The following LHFPL3 variants were observed in gnomAD, a reference collection of about 807,000 sequenced individuals.
LHFPL3 encodes the protein LHFPL tetraspan subfamily member 3, also known as LHFPL tetraspan subfamily member 3 protein.
A neutral mutation model predicts 19.3 loss-of-function variants in LHFPL3; 5 were observed. That is an observed-to-expected ratio of 0.26 (90% CI 0.14 to 0.54). The LOEUF (loss-of-function observed/expected upper bound fraction) is 0.54. Ranked by LOEUF, LHFPL3 falls within the 20% of genes least tolerant of loss-of-function variation. The pLI is 0.94. For synonymous variants in LHFPL3, 133 were observed against 126.2 expected, an observed-to-expected ratio of 1.05 and a Z score of -0.36; for missense variants, 249 against 307.4, an observed-to-expected ratio of 0.81 and a Z score of 1.42.
intron 1 of LHFPL3, among the ~76,000 whole-genome samples, chr7:104,355,197 C>G (rs1790250984): frequency 6.6e-6 from 1 of 152,166 alleles, no homozygotes; most frequent in Non-Finnish European, 1.5e-5. Context: ...TCCAAATGAG[C>G]CTTGGATTAT....
chr7:104,353,029 G>A (rs1177474011), intron 1 of LHFPL3, among the ~76,000 whole-genome samples: 1 of 152,200 alleles, frequency 6.6e-6, no homozygotes, highest in African/African-American at 2.4e-5. Flanking sequence ...TCCCTCTGCA[G>A]TTCTGGATGC....
chr7:104,793,148 G>A (rs576626894), intron 2 of LHFPL3, among the ~76,000 whole-genome samples: 3 of 152,106 alleles, frequency 2.0e-5, no homozygotes, highest in Admixed American at 6.6e-5. Context: ...TGCCCACCTC[G>A]GCCTCCCAAA....
chr7:104,375,232 C>T (rs770631139), intron 1 of LHFPL3, among the ~76,000 whole-genome samples: 18 of 152,036 alleles, frequency 1.2e-4, no homozygotes, highest in African/African-American at 3.4e-4. Context: ...CCAGCTACAC[C>T]GGGGGTGAGG....
intron 1 of LHFPL3, among the ~76,000 whole-genome samples, chr7:104,471,033 C>T (rs192454439): frequency 2.6e-5 from 4 of 152,278 alleles, no homozygotes; most frequent in African/African-American, 9.6e-5. Context: ...CCCAATTTTT[C>T]TACCAAGACA....
At chr7:104,518,778 C>T (rs1793976052) in intron 1 of LHFPL3, among the ~76,000 whole-genome samples, 1 of 146,570 alleles carries the variant, frequency 6.8e-6, no homozygotes, top group Non-Finnish European at 1.5e-5. Context: ...AGTGAGACTC[C>T]ATCTCAAAAA....
chr7:104,531,669 T>C (rs1461026108), intron 1 of LHFPL3, among the ~76,000 whole-genome samples: 1 of 152,152 alleles, frequency 6.6e-6, no homozygotes, highest in Non-Finnish European at 1.5e-5. Flanking sequence ...AAGGGATCTA[T>C]ATGGGAAATC....
rs1256860291 is a variant in LHFPL3, at chr7:104,700,867, GCCCTT to G, written c.446-35806_446-35802del. 6.6e-5 allele frequency among the ~76,000 whole-genome samples: 10 copies of G among 152,256 alleles called. No homozygotes were observed. In the South Asian group the frequency reaches 2.1e-3, roughly 32 times the overall value. On this transcript the variant is annotated intron_variant, in intron 1 of 2. Transcript: ENST00000424859. Reference sequence around the variant, plus strand: ...TGTCCAATTGCTTTCTTTCCATAGAGCCCTTCATCCTCTTCTCCCTAACTGTACCA... The same window carrying G: ...TGTCCAATTGCTTTCTTTCCATAGAGCATCCTCTTCTCCCTAACTGTACCA...
chr7:104,541,702 T>C (rs1363126447), intron 1 of LHFPL3, among the ~76,000 whole-genome samples: 1 of 152,174 alleles, frequency 6.6e-6, no homozygotes, highest in Non-Finnish European at 1.5e-5. Flanking sequence ...AATGATAATA[T>C]AGTAACATGC....
chr7:104,398,439 GT>G (rs780995687), intron 1 of LHFPL3, among the ~76,000 whole-genome samples: 6 of 152,166 alleles, frequency 3.9e-5, no homozygotes, highest in Non-Finnish European at 7.3e-5. Context: ...TCTTCATGTT[GT>G]TTGTGGATTG....
chr7:104,589,957 T>A (rs1373771544), intron 1 of LHFPL3, among the ~76,000 whole-genome samples: 2 of 152,352 alleles, frequency 1.3e-5, no homozygotes, highest in African/African-American at 4.8e-5. Flanking sequence ...TCGGTGGTGA[T>A]ATCTCCTTTA....
chr7:104,878,808 T>C (rs1356241586), intron 2 of LHFPL3, among the ~76,000 whole-genome samples: 6 of 152,034 alleles, frequency 3.9e-5, no homozygotes, highest in Non-Finnish European at 4.4e-5. Flanking sequence ...TTGAAGGAAA[T>C]GGAAAGTGCT....
intron 2 of LHFPL3, among the ~76,000 whole-genome samples, chr7:104,803,188 T>C (rs560339850): frequency 1.3e-5 from 2 of 152,356 alleles, no homozygotes; most frequent in Admixed American, 6.5e-5. Context: ...ATACCACTTC[T>C]TTGACATCCT....
intron 1 of LHFPL3, among the ~76,000 whole-genome samples, chr7:104,455,103 G>A (rs1355403281): frequency 6.6e-6 from 1 of 152,140 alleles, no homozygotes. Context: ...GCACAAATTA[G>A]GTATGGATTG....
At chr7:104,497,977 A>C (rs1793519957) in intron 1 of LHFPL3, among the ~76,000 whole-genome samples, 1 of 152,014 alleles carries the variant, frequency 6.6e-6, no homozygotes, top group Non-Finnish European at 1.5e-5. Context: ...TGTGGGGTGA[A>C]CCAAAGGCCT....
At chr7:104,713,859 G>A (rs1205443755) in intron 1 of LHFPL3, among the ~76,000 whole-genome samples, 2 of 152,148 alleles carry the variant, frequency 1.3e-5, no homozygotes, top group Non-Finnish European at 2.9e-5. Context: ...AGAGTCCCAA[G>A]GGGAGTAACA....
rs371881795 is a variant in LHFPL3 at position 104,444,296 on chromosome 7, T to C, written c.445+115072T>C. Among the ~76,000 whole-genome samples the C allele has an allele frequency of 2.0e-5, 3 of 152,180 alleles. No individual in the cohort carries two copies. The East Asian group carries it at 5.8e-4, about 29-fold the overall frequency. On this transcript the variant is annotated intron_variant, in intron 1 of 2. Coordinates refer to ENST00000424859, the MANE Select transcript of LHFPL3 (RefSeq NM_199000.3). The stretch of plus-strand genomic sequence containing the variant: ...CTCTGTAGAAAGCAAACAACAGCAT[T>C]GGGGGTTTTTTTGGCGCTGTCAGAG...
chr7:104,385,508 G>A (rs1790922027), intron 1 of LHFPL3, among the ~76,000 whole-genome samples: 2 of 152,194 alleles, frequency 1.3e-5, no homozygotes, highest in African/African-American at 2.4e-5. Context: ...TGGCACCAGA[G>A]TAAAATCACC....
chr7:104,535,399 A>G (rs528308213), intron 1 of LHFPL3, among the ~76,000 whole-genome samples: 41 of 152,358 alleles, frequency 2.7e-4, no homozygotes, highest in Middle Eastern at 6.8e-3. Flanking sequence ...CAAGGCATTC[A>G]GAACTGTACC....
At chr7:104,406,901 G>T (rs911748905) in intron 1 of LHFPL3, among the ~76,000 whole-genome samples, 1 of 152,234 alleles carries the variant, frequency 6.6e-6, no homozygotes, top group Admixed American at 6.5e-5. Flanking sequence ...CTGGAAACCT[G>T]TGTTTAATAA....
Sources: allele counts gnomAD v4.1 joint callset (sites outside exome capture counted in the v4.1 genomes callset), GRCh38; gene constraint gnomAD v4.1.1; transcripts MANE v1.5; gene names NCBI Gene and HGNC (gene_info 2026-07-23, HGNC 2026-07-21).